Variants in PTPRD observed in about 807,000 individuals in gnomAD.
PTPRD encodes receptor-type tyrosine-protein phosphatase delta.
In PTPRD, 34 loss-of-function variants were observed where a neutral mutation model predicts 214.5. The observed-to-expected ratio is 0.16, with a 90% CI of 0.12 to 0.21. PTPRD has a LOEUF of 0.21. Ranked by LOEUF, PTPRD falls within the 10% of genes least tolerant of loss-of-function variation. The pLI is 1.00. For synonymous variants in PTPRD, 1,128 were observed against 845.7 expected (o/e 1.33, Z -5.79); for missense variants, 2,545 against 2,398.7 (o/e 1.06, Z -1.27).
At chr9:9,650,463 A>C (rs931522065) in intron 7 of PTPRD, among the ~76,000 whole-genome samples, 7 of 152,268 alleles carry the variant, frequency 4.6e-5, no homozygotes, top group African/African-American at 1.7e-4. Context: ...TGGTTTGCTG[A>C]TACTTTGTAG....
intron 10 of PTPRD, among the ~76,000 whole-genome samples, chr9:9,165,370 G>C (rs1313494251): frequency 2.0e-5 from 3 of 152,204 alleles, no homozygotes; most frequent in Non-Finnish European, 4.4e-5. Context: ...CCTTCAAAGA[G>C]AATTAGGTCT....
intron 36 of PTPRD, among the ~76,000 whole-genome samples, chr9:8,396,952 C>T (rs1449170693): frequency 6.6e-6 from 1 of 151,962 alleles, no homozygotes; most frequent in African/African-American, 2.4e-5. Context: ...TTAAAAAGTA[C>T]CACGAAATAA....
intron 7 of PTPRD, among the ~76,000 whole-genome samples, chr9:9,704,241 C>T (rs928748124): frequency 2.0e-5 from 3 of 152,018 alleles, no homozygotes; most frequent in African/African-American, 7.2e-5. Flanking sequence ...GCCATCAAAT[C>T]GCATTCTTCT....
At chr9:9,552,356 T>C (rs1276817160) in intron 8 of PTPRD, among the ~76,000 whole-genome samples, 2 of 152,094 alleles carry the variant, frequency 1.3e-5, no homozygotes, top group Non-Finnish European at 2.9e-5. Flanking sequence ...CCATTTTCTA[T>C]ATTTAGTCAT....
chr9:9,703,592 G>A (rs893330907), intron 7 of PTPRD, among the ~76,000 whole-genome samples: 4 of 151,984 alleles, frequency 2.6e-5, no homozygotes, highest in Non-Finnish European at 4.4e-5. Context: ...TTGATGCATA[G>A]CATATTAATT....
chr9:9,910,192 T>C (rs76148142), intron 5 of PTPRD, among the ~76,000 whole-genome samples: 2,638 of 152,098 alleles, frequency 0.017, 75 homozygotes, highest in African/African-American at 0.06. Context: ...TCATTAGAGC[T>C]CCTGGCATAG....
intron 8 of PTPRD, among the ~76,000 whole-genome samples, chr9:9,481,763 T>A (rs1036036098): frequency 5.9e-5 from 9 of 152,050 alleles, no homozygotes; most frequent in African/African-American, 2.2e-4. Flanking sequence ...ACCTAGTCAA[T>A]AGAAGAGGGC....
chr9:9,000,989 T>C (rs1007268535), intron 11 of PTPRD, among the ~76,000 whole-genome samples: 2 of 151,888 alleles, frequency 1.3e-5, no homozygotes, highest in Non-Finnish European at 2.9e-5. Context: ...AGCCAGCAAA[T>C]GACCCATCCA....
At chr9:8,679,527 G>A (rs2097508544) in intron 12 of PTPRD, among the ~76,000 whole-genome samples, 1 of 152,180 alleles carries the variant, frequency 6.6e-6, no homozygotes, top group African/African-American at 2.4e-5. Context: ...CTGTCAGACA[G>A]CATAGAACGC....
chr9:9,376,002 A>G (rs979237748), intron 9 of PTPRD, among the ~76,000 whole-genome samples: 16 of 152,188 alleles, frequency 1.1e-4, no homozygotes, highest in Admixed American at 3.3e-4. Context: ...TTTAAAGGCC[A>G]TTCTCCTTGT....
At chr9:10,351,188 C>T (rs1041920224) in intron 2 of PTPRD, among the ~76,000 whole-genome samples, 6 of 152,046 alleles carry the variant, frequency 3.9e-5, no homozygotes, top group Non-Finnish European at 7.4e-5. Context: ...GAAAAATATG[C>T]TTGCAAACTC....
At chr9:9,428,008 G>C (rs770605304) in intron 8 of PTPRD, among the ~76,000 whole-genome samples, 5 of 152,038 alleles carry the variant, frequency 3.3e-5, no homozygotes, top group African/African-American at 1.2e-4. Flanking sequence ...AATCAACTAA[G>C]GAGCAAAATA....
chr9:9,953,898 C>A (rs374605594), intron 4 of PTPRD, among the ~76,000 whole-genome samples: 2 of 152,224 alleles, frequency 1.3e-5, no homozygotes, highest in African/African-American at 2.4e-5. Flanking sequence ...CTAGCCTTTG[C>A]AGTTGCTTTT....
intron 2 of PTPRD, among the ~76,000 whole-genome samples, chr9:10,405,154 A>C (rs1365418742): frequency 6.6e-6 from 1 of 151,632 alleles, no homozygotes; most frequent in African/African-American, 2.4e-5. Flanking sequence ...CTACAAAATT[A>C]ACCTTCCAAA....
intron 10 of PTPRD, among the ~76,000 whole-genome samples, chr9:9,149,633 G>T (rs568534294): frequency 6.6e-6 from 1 of 152,258 alleles, no homozygotes; most frequent in East Asian, 1.9e-4. Context: ...CCCAATCCAA[G>T]TAGGTGATAA....
At chr9:8,571,713 T>G (rs1251982050) in intron 14 of PTPRD, among the ~76,000 whole-genome samples, 1 of 152,146 alleles carries the variant, frequency 6.6e-6, no homozygotes. Flanking sequence ...CTTCCATTTG[T>G]TCATTTTAAG....
intron 12 of PTPRD, among the ~76,000 whole-genome samples, chr9:8,697,089 C>A (rs144316418): frequency 6.6e-6 from 1 of 152,218 alleles, no homozygotes; most frequent in African/African-American, 2.4e-5. Context: ...AGTCTGTTGT[C>A]TAGTATTTGG....
chr9:9,876,756 C>T (rs550733378), intron 5 of PTPRD, among the ~76,000 whole-genome samples: 2 of 152,226 alleles, frequency 1.3e-5, no homozygotes, highest in East Asian at 1.9e-4. Context: ...TAAAATAACA[C>T]TATGTTATGT....
chr9:8,456,709 A>C (rs1042522359), intron 33 of PTPRD, among the ~76,000 whole-genome samples: 1 of 152,102 alleles, frequency 6.6e-6, no homozygotes, highest in Non-Finnish European at 1.5e-5. Flanking sequence ...TGAAGCCTAC[A>C]TTTCAGTCTC....
Sources: allele counts gnomAD v4.1 joint callset (sites outside exome capture counted in the v4.1 genomes callset), GRCh38; gene constraint gnomAD v4.1.1; transcripts MANE v1.5; gene names NCBI Gene and HGNC (gene_info 2026-07-23, HGNC 2026-07-21).